The following RBM6 variants were observed in gnomAD, a reference collection of about 807,000 sequenced individuals.
The protein encoded by RBM6 is RNA binding motif protein 6.
A neutral mutation model predicts 140.4 loss-of-function variants in RBM6; 23 were observed. The ratio of observed to expected loss-of-function variants is 0.16; its 90% confidence interval spans 0.12 to 0.23. RBM6 has a LOEUF of 0.23. Ranked by LOEUF, RBM6 falls within the 10% of genes least tolerant of loss-of-function variation. RBM6 has a pLI of 1.00. For synonymous variants in RBM6, 439 were observed against 475.6 expected (o/e 0.92, Z 1.00); for missense variants, 1,139 against 1,386.7 (o/e 0.82, Z 2.84).
chr3:50,018,380 A>G (rs2087283034), intron 6 of RBM6, among the ~76,000 whole-genome samples: 1 of 152,060 alleles, frequency 6.6e-6, no homozygotes, highest in African/African-American at 2.4e-5. Context: ...TCTTTTTAGC[A>G]CTGAATAATA....
At chr3:49,997,608 T>A (rs2086146380) in intron 5 of RBM6, among the ~76,000 whole-genome samples, 1 of 152,232 alleles carries the variant, frequency 6.6e-6, no homozygotes, top group African/African-American at 2.4e-5. Context: ...GTAGAGGTAA[T>A]CAACACACTA....
In RBM6 at chr3:50,057,809, A is replaced by T; in HGVS notation, c.1775A>T (p.Asn592Ile). ...SIPAPLEKQPNQPLRPADKEP... is the reference protein window; with the variant it reads ...SIPAPLEKQPIQPLRPADKEP... Reference sequence around the variant, plus strand: ...CCAGCACCATTGGAAAAACAGCCCAACCAGCCCCTAAGACCAGCTGATAAG... The same window carrying T: ...CCAGCACCATTGGAAAAACAGCCCATCCAGCCCCTAAGACCAGCTGATAAG... The change falls in exon 9 of 21, where the codon AAC becomes ATC. Residue 592 changes from asparagine (N) to isoleucine (I), a missense_variant. Transcript: ENST00000266022. 6.2e-7 allele frequency: 1 copy of T among 1,613,950 alleles called. No individual in the cohort carries two copies. Among genetic ancestry groups the T allele is most frequent in the Non-Finnish European group, 8.5e-7 (1 of 1,179,956 alleles).
In RBM6 at chr3:50,040,489, T is replaced by C. The variant is rs1345312154; in HGVS notation, c.1558-7756T>C. Reference sequence around the variant, plus strand: ...AAAAAAAAATATATATATATATATATATATACACACACACACACACACACA... The same window carrying C: ...AAAAAAAAATATATATATATATATACATATACACACACACACACACACACA... On this transcript the variant is annotated intron_variant, in intron 6 of 20. Transcript: ENST00000266022. Among the ~76,000 whole-genome samples, 228 of 98,908 alleles carry C rather than the reference T, an allele frequency of 2.3e-3. 1 individual carries two copies. The highest frequency in any genetic ancestry group is 0.014 in the East Asian group (54 of 3,754). 64.9% of individuals were successfully genotyped at this position (98,908 alleles called of 152,430 possible). A position where few individuals can be genotyped will look rare whatever the true frequency, so the allele number is the denominator to read the frequency against.
In RBM6 at chr3:50,070,534, A is replaced by T. The variant is rs1355934538; in HGVS notation, c.3098A>T (p.Tyr1033Phe). Residue 1033 changes from tyrosine to phenylalanine, a missense_variant, in exon 19 of 21, where the codon TAC becomes TTC. Physicochemically the swap from Tyr to Phe is conservative, Grantham distance 22. This residue lies in a region of RBM6 where 125 missense variants were observed against 142.0 expected (regional missense o/e 0.88). Coordinates refer to ENST00000266022, the MANE Select transcript of RBM6 (RefSeq NM_005777.3). ...TCTCCAGAAAGGAAACGGATTAAGT[A>T]CTCCAGGGAAACTGACAGGTAAGCC... ...FDSPERKRIK[Y>F]SRETDSDRKL... 1 of 1,613,360 alleles carries T rather than the reference A, an allele frequency of 6.2e-7. No individual in the cohort carries two copies. Among genetic ancestry groups the T allele is most frequent in the Admixed American group, 1.7e-5 (1 of 59,986 alleles).
chr3:50,031,910 A>G (rs2088189731), intron 6 of RBM6, among the ~76,000 whole-genome samples: 1 of 152,226 alleles, frequency 6.6e-6, no homozygotes. Context: ...TGATATGCTT[A>G]TTTCACATTG....
chr3:49,955,160 C>CTTTTTTTTTTTTTTTTTTT lies in RBM6; in HGVS notation c.-66-7410_-66-7392dup, dbSNP rs869272546. Among the ~76,000 whole-genome samples, 31 of 72,716 alleles carry CTTTTTTTTTTTTTTTTTTT rather than the reference C, an allele frequency of 4.3e-4. 2 individuals are homozygous for CTTTTTTTTTTTTTTTTTTT. The highest frequency in any genetic ancestry group is 7.4e-4 in the Admixed American group (3 of 4,058). The allele number at this position is 72,716 out of a possible 152,430, so 47.7% of individuals were successfully genotyped here. On this transcript the variant is annotated intron_variant, in intron 1 of 20. Transcript: ENST00000266022. Reference sequence around the variant, plus strand: ...GGCCGCATAGTATTTTTTTTTCTTTCTTTTTTTTTTTTTTTTTTTTTTTTG... The same window carrying CTTTTTTTTTTTTTTTTTTT: ...GGCCGCATAGTATTTTTTTTTCTTTCTTTTTTTTTTTTTTTTTTTTTTTTTTTTTTTTTTTTTTTTTTTG...
intron 6 of RBM6, among the ~76,000 whole-genome samples, chr3:50,016,414 G>T (rs927087636): frequency 3.3e-5 from 5 of 151,990 alleles, no homozygotes; most frequent in Non-Finnish European, 7.3e-5. Flanking sequence ...GGGAATGCAG[G>T]TATCTCTCAG....
chr3:49,970,019 C>T (rs918495033), intron 3 of RBM6, among the ~76,000 whole-genome samples: 2 of 152,074 alleles, frequency 1.3e-5, no homozygotes, highest in Non-Finnish European at 2.9e-5. Context: ...TGGCTCACAG[C>T]AACCTCCGCC....
Position 49,968,673 on chromosome 3 carries a change from C to T in RBM6, c.1248C>T (p.Ser416=). 6.2e-7 allele frequency: 1 copy of T among 1,613,822 alleles called. No homozygotes were observed. The highest frequency in any genetic ancestry group is 2.2e-5 in the East Asian group (1 of 44,872). The change falls in exon 3 of 21, where the codon AGC becomes AGT. Residue 416 remains serine (S), a synonymous_variant. Transcript: ENST00000266022. ...ATGTGGATCATAGGCTGCCAGGAAGCCAGATGTTTGGCTATGGCCAGAGCA... is the reference window on the plus strand; with the variant it reads ...ATGTGGATCATAGGCTGCCAGGAAGTCAGATGTTTGGCTATGGCCAGAGCA... ...YRDVDHRLPG[S]QMFGYGQSKS...
intron 8 of RBM6, 78 bp downstream of exon 8, chr3:50,054,473 A>G: frequency 3.1e-6 from 4 of 1,284,966 alleles, no homozygotes; most frequent in Non-Finnish European, 3.4e-6. Flanking sequence ...GGCTTTGAAG[A>G]ATTATCATCC....
intron 6 of RBM6, among the ~76,000 whole-genome samples, chr3:50,047,651 A>T (rs1488078112): frequency 6.6e-6 from 1 of 152,134 alleles, no homozygotes; most frequent in African/African-American, 2.4e-5. Flanking sequence ...CCACCAGCCA[A>T]TCAGTTTCCT....
chr3:49,969,313 G>A (rs1263645488), intron 3 of RBM6, among the ~76,000 whole-genome samples: 3 of 146,350 alleles, frequency 2.0e-5, no homozygotes, highest in Non-Finnish European at 3.0e-5. Context: ...ATGAGCCACC[G>A]TGCCTGGCCA....
At chr3:50,047,848 G>A (rs1053607775) in intron 6 of RBM6, among the ~76,000 whole-genome samples, 1 of 152,170 alleles carries the variant, frequency 6.6e-6, no homozygotes, top group Admixed American at 6.5e-5. Flanking sequence ...AAAGAAGAGG[G>A]CTCCTCTGCC....
At chr3:50,011,215 G>A (rs990520079) in intron 6 of RBM6, among the ~76,000 whole-genome samples, 3 of 150,926 alleles carry the variant, frequency 2.0e-5, no homozygotes, top group South Asian at 2.1e-4. Context: ...GCAATACCTT[G>A]TCTCTTAAAA....
At chr3:49,959,501 T>C (rs2084181365) in intron 1 of RBM6, among the ~76,000 whole-genome samples, 1 of 148,824 alleles carries the variant, frequency 6.7e-6, no homozygotes, top group African/African-American at 2.5e-5. Context: ...GCCCGGCCAA[T>C]GTTTTTCCCT....
At chr3:50,030,771 T>C (rs2088108885) in intron 6 of RBM6, among the ~76,000 whole-genome samples, 1 of 152,192 alleles carries the variant, frequency 6.6e-6, no homozygotes, top group African/African-American at 2.4e-5. Flanking sequence ...TTCTATCTTA[T>C]TGTTCAAGAT....
At chr3:49,946,157 A>G (rs1430759137) in intron 1 of RBM6, among the ~76,000 whole-genome samples, 1 of 151,912 alleles carries the variant, frequency 6.6e-6, no homozygotes, top group Non-Finnish European at 1.5e-5. Context: ...GTATTTTGTT[A>G]TGGCAGTCCT....
At chr3:50,030,726 T>G (rs2088106432) in intron 6 of RBM6, among the ~76,000 whole-genome samples, 1 of 152,226 alleles carries the variant, frequency 6.6e-6, no homozygotes, top group Non-Finnish European at 1.5e-5. Flanking sequence ...GGACCCAGGT[T>G]CTTTCAACCA....
Position 49,984,645 on chromosome 3 carries a change from CGCATCGCATCGCATCGCATT to C in RBM6, c.1483+9259_1483+9278del, listed in dbSNP as rs1220842493. Among the ~76,000 whole-genome samples, 10 of 97,330 alleles carry C rather than the reference CGCATCGCATCGCATCGCATT, an allele frequency of 1.0e-4. 1 individual carries two copies. The highest frequency in any genetic ancestry group is 2.9e-4 in the African/African-American group (10 of 34,046). 63.9% of individuals were successfully genotyped at this position (97,330 alleles called of 152,430 possible). Reference sequence around the variant, plus strand: ...CGCATCGCATCGCATCGCATCGCATCGCATCGCATCGCATCGCATTGCATCACATCACATCACAACATAAC... The same window carrying C: ...CGCATCGCATCGCATCGCATCGCATCGCATCACATCACATCACAACATAAC... On this transcript the variant is annotated intron_variant, in intron 5 of 20. Transcript: ENST00000266022.
Sources: gnomAD v4.1 joint callset for allele counts (sites outside exome capture counted in the v4.1 genomes callset) on GRCh38, gnomAD v4.1.1 for gene constraint, gnomAD v4.1.1 regional missense constraint, MANE v1.5 for transcripts, NCBI Gene and HGNC (gene_info 2026-07-23, HGNC 2026-07-21) for gene names.